The following MAGI2 variants were observed in gnomAD, a reference collection of about 807,000 sequenced individuals.
MAGI2 encodes the protein membrane-associated guanylate kinase, WW and PDZ domain-containing protein 2.
In MAGI2, 35 loss-of-function variants were observed where a neutral mutation model predicts 133.3. The ratio of observed to expected loss-of-function variants is 0.26; its 90% CI spans 0.20 to 0.35. The LOEUF (loss-of-function observed/expected upper bound fraction) is 0.35, where lower values mean the gene tolerates loss of function less well. Ranked by LOEUF, MAGI2 falls within the 10% of genes least tolerant of loss-of-function variation. The probability of loss-of-function intolerance (pLI) is 1.00; values close to 1 mark genes in which losing one functional copy is unlikely to be tolerated. For missense variants in MAGI2, 1,636 were observed against 1,863.4 expected (o/e 0.88, Z 2.25); for synonymous variants, 729 against 710.6 (o/e 1.03, Z -0.41).
At chr7:78,177,973 A>G (rs1185639987) in intron 14 of MAGI2, 38 bp downstream of exon 14, 2 of 1,424,228 alleles carry the variant, frequency 1.4e-6, no homozygotes, top group Middle Eastern at 1.8e-4. Flanking sequence ...CTCATACAAT[A>G]CAGCCCCAAG....
At chr7:78,274,731 G>A (rs1474764366) in intron 9 of MAGI2, among the ~76,000 whole-genome samples, 1 of 152,082 alleles carries the variant, frequency 6.6e-6, no homozygotes, top group Non-Finnish European at 1.5e-5. Context: ...GCAGCTTTAT[G>A]TACACTGTGA....
rs887755005 is a variant in MAGI2, at chr7:78,229,188, A to T, written c.2047+26755T>A. ...TTAACTGGGGACTCTAACTGCCAAC[A>T]CCAGCCAAGATTTATTGAGCACAGC... is the stretch of plus-strand genomic sequence containing the variant. On this transcript the variant is annotated intron_variant, in intron 10 of 21. Coordinates refer to ENST00000354212, the MANE Select transcript of MAGI2 (RefSeq NM_012301.4). 9.9e-5 allele frequency among the ~76,000 whole-genome samples: 15 copies of T among 152,256 alleles called. 1 individual carries two copies. The highest frequency in any genetic ancestry group is 3.6e-4 in the African/African-American group (15 of 41,472).
intron 21 of MAGI2, chr7:78,072,941 A>G: frequency 2.5e-6 from 1 of 398,656 alleles, no homozygotes; most frequent in Non-Finnish European, 4.4e-6. Flanking sequence ...TAGAGGTGTG[A>G]GCCACCCCGC....
chr7:78,395,494 T>C (rs1425131484), intron 6 of MAGI2, among the ~76,000 whole-genome samples: 2 of 152,166 alleles, frequency 1.3e-5, no homozygotes, highest in East Asian at 3.9e-4. Context: ...CATCCACCAG[T>C]AATCAGCCAT....
At chr7:79,180,462 C>T (rs1194884277) in intron 1 of MAGI2, among the ~76,000 whole-genome samples, 1 of 151,992 alleles carries the variant, frequency 6.6e-6, no homozygotes, top group Non-Finnish European at 1.5e-5. Flanking sequence ...CGCAAAGAAA[C>T]TCCCTTTTCT....
chr7:78,618,353 A>C (rs559694169), intron 3 of MAGI2: 3 of 152,062 alleles, frequency 2.0e-5, no homozygotes, highest in Admixed American at 2.0e-4. Flanking sequence ...ATATATTACA[A>C]TATATATTCA....
At chr7:79,394,156 C>G (rs894440894) in intron 1 of MAGI2, among the ~76,000 whole-genome samples, 3 of 152,106 alleles carry the variant, frequency 2.0e-5, no homozygotes, top group African/African-American at 7.2e-5. Context: ...TATGCAGACT[C>G]TAACCCTGGT....
chr7:78,258,330 G>C (rs1793197126), intron 9 of MAGI2, among the ~76,000 whole-genome samples: 2 of 152,180 alleles, frequency 1.3e-5, no homozygotes, highest in Admixed American at 1.3e-4. Context: ...TCCCAGAGAA[G>C]TGTCTGATTC....
At chr7:79,252,156 C>CAAA (rs1208897198) in intron 1 of MAGI2, among the ~76,000 whole-genome samples, 230 of 102,122 alleles carry the variant, frequency 2.3e-3, no homozygotes, top group African/African-American at 2.8e-3. Flanking sequence ...GACCCTGTCT[C>CAAA]AAAAAAAAAA....
intron 9 of MAGI2, among the ~76,000 whole-genome samples, chr7:78,317,328 G>A (rs939271273): frequency 2.0e-5 from 3 of 152,144 alleles, no homozygotes; most frequent in Admixed American, 2.0e-4. Flanking sequence ...TCAAGAACAG[G>A]AGAATATGGA....
At position 78,017,619 on chromosome 7, in the gene MAGI2, T is replaced by C. The variant is rs1242618375; in HGVS notation, c.*1696A>G. On this transcript the variant is annotated 3_prime_UTR_variant, in exon 22 of 22. Coordinates refer to ENST00000354212, the MANE Select transcript of MAGI2 (RefSeq NM_012301.4). ...TGTTTGTGCTTTTGTTTACGATGAA[T>C]GGGTTTCATTTTTGGAAATTGCTTT... The C allele has an allele frequency of 6.6e-6, 1 of 152,650 alleles. No homozygotes were observed. The highest frequency in any genetic ancestry group is 1.5e-5 in the Non-Finnish European group (1 of 68,030). The allele number at this position is 152,650 out of a possible 1,614,324, so 9.5% of individuals were successfully genotyped here.
intron 2 of MAGI2, among the ~76,000 whole-genome samples, chr7:78,719,739 A>T (rs10267607): frequency 6.6e-6 from 1 of 152,026 alleles, no homozygotes; most frequent in African/African-American, 2.4e-5. Context: ...GCCTGGCTGC[A>T]GTACTATCAA....
At chr7:78,387,259 G>T (rs1238161245) in intron 6 of MAGI2, among the ~76,000 whole-genome samples, 2 of 152,156 alleles carry the variant, frequency 1.3e-5, no homozygotes, top group Non-Finnish European at 1.5e-5. Flanking sequence ...TGGAGGTGAG[G>T]ACTCAGGGTG....
At chr7:79,232,537 G>C (rs1362290900) in intron 1 of MAGI2, among the ~76,000 whole-genome samples, 2 of 124,764 alleles carry the variant, frequency 1.6e-5, no homozygotes, top group African/African-American at 3.1e-5. Context: ...TGTATGTGTC[G>C]AGGAATTTAT....
At chr7:79,131,737 C>T (rs546106353) in intron 1 of MAGI2, among the ~76,000 whole-genome samples, 1 of 152,112 alleles carries the variant, frequency 6.6e-6, no homozygotes, top group African/African-American at 2.4e-5. Context: ...GCATGTCTTT[C>T]GTTTTTGAAT....
At chr7:78,780,436 TAGTAAC>T (rs1441282644) in intron 2 of MAGI2, among the ~76,000 whole-genome samples, 2 of 152,194 alleles carry the variant, frequency 1.3e-5, no homozygotes, top group African/African-American at 4.8e-5. Context: ...TTTTCCTCAT[TAGTAAC>T]AGTAACTATG....
intron 2 of MAGI2, among the ~76,000 whole-genome samples, chr7:78,736,434 C>T (rs11974392): frequency 0.96 from 146,660 of 152,272 alleles, 70,665 homozygotes; most frequent in East Asian, 1. Context: ...AAGAACCATA[C>T]TTCCAGACTT....
intron 21 of MAGI2, among the ~76,000 whole-genome samples, chr7:78,070,188 T>G: frequency 3.5e-5 from 1 of 28,478 alleles, no homozygotes; most frequent in Admixed American, 4.3e-4. Context: ...TATATATATA[T>G]ATATATATAT....
At chr7:79,130,161 A>AG (rs1820800002) in intron 1 of MAGI2, among the ~76,000 whole-genome samples, 1 of 151,226 alleles carries the variant, frequency 6.6e-6, no homozygotes, top group Non-Finnish European at 1.5e-5. Flanking sequence ...CTACAAAAAA[A>AG]AAAAAAAAAA....
Sources: allele counts gnomAD v4.1 joint callset (sites outside exome capture counted in the v4.1 genomes callset), GRCh38; gene constraint gnomAD v4.1.1; transcripts MANE v1.5; gene names NCBI Gene and HGNC (gene_info 2026-07-23, HGNC 2026-07-21).